Variants in TBXA2R observed in about 807,000 individuals in gnomAD.
The protein encoded by TBXA2R is thromboxane A2 receptor, also known as prostanoid TP receptor.
In TBXA2R, 15 loss-of-function variants were observed where a neutral mutation model predicts 15.6. The ratio of observed to expected loss-of-function variants is 0.96; its 90% CI spans 0.64 to 1.48. The LOEUF is 1.48. TBXA2R is among the 40% of genes most tolerant of loss of function. The probability of loss-of-function intolerance (pLI) is 0.00; values close to 1 mark genes in which losing one functional copy is unlikely to be tolerated. For synonymous variants in TBXA2R, 280 were observed against 241.2 expected, an observed-to-expected ratio of 1.16 and a Z score of -1.49; for missense variants, 506 against 491.4, an observed-to-expected ratio of 1.03 and a Z score of -0.28.
Position 3,595,895 on chromosome 19 carries a change from G to A in TBXA2R, c.825C>T (p.Ala275=). The A allele has an allele frequency of 6.2e-7, 1 of 1,605,682 alleles. No homozygotes were observed. The highest frequency in any genetic ancestry group is 1.7e-5 in the Admixed American group (1 of 58,860). Residue 275 remains alanine (A), a synonymous_variant, in exon 3 of 3, where the codon GCC becomes GCT. Transcript: ENST00000375190. ...IAQTVLRNPP[A]MSPAGQLSRT... ...GGGACAGCTGCCCGGCGGGGCTCAT[G>A]GCAGGCGGGTTTCGCAGCACTGTCT...
At position 3,600,419 on chromosome 19, in the gene TBXA2R, G is replaced by C; in HGVS notation, c.216C>G (p.Leu72=). The change falls in exon 2 of 3, where the codon CTC becomes CTG. Residue 72 remains leucine (L), a synonymous_variant. Transcript: ENST00000375190. ...SFLTFLCGLV[L]TDFLGLLVTG... is the part of the protein sequence containing the mutation. The stretch of plus-strand genomic sequence containing the variant: ...TCACCAGCAGCCCCAGGAAGTCGGT[G>C]AGGACGAGGCCGCAGAGGAAGGTGA... 1 of 1,613,386 alleles carries C rather than the reference G, an allele frequency of 6.2e-7. No individual in the cohort carries two copies. Among genetic ancestry groups the C allele is most frequent in the East Asian group, 2.2e-5 (1 of 44,872 alleles).
intron 1 of TBXA2R, among the ~76,000 whole-genome samples, chr19:3,605,943 A>G (rs1809252020): frequency 6.6e-6 from 1 of 151,974 alleles, no homozygotes; most frequent in Non-Finnish European, 1.5e-5. Flanking sequence ...ACAGGCAGAA[A>G]TGTGACAGAC....
Position 3,599,924 on chromosome 19 carries a change from C to T in TBXA2R, c.711G>A (p.Arg237=). The change falls in exon 2 of 3, where the codon CGG becomes CGA. Residue 237 remains arginine (R), a synonymous_variant. Coordinates refer to ENST00000375190, the MANE Select transcript of TBXA2R (RefSeq NM_001060.6). ...GAGCCATCATCTCCACCTCGGAGTCCCGGGGACGCTGCTGGGCCGCCTCCT... is the reference window on the plus strand; with the variant it reads ...GAGCCATCATCTCCACCTCGGAGTCTCGGGGACGCTGCTGGGCCGCCTCCT... ...HGQEAAQQRP[R]DSEVEMMAQL... 2 of 1,550,894 alleles carry T rather than the reference C, an allele frequency of 1.3e-6. No individual in the cohort carries two copies. The highest frequency in any genetic ancestry group is 1.7e-6 in the Non-Finnish European group (2 of 1,147,832).
At chr19:3,597,672 C>G (rs1434421317) in intron 2 of TBXA2R, among the ~76,000 whole-genome samples, 1 of 151,922 alleles carries the variant, frequency 6.6e-6, no homozygotes, top group Non-Finnish European at 1.5e-5. Flanking sequence ...GTGGCTCACA[C>G]CTATACTCCC....
Position 3,595,782 on chromosome 19 carries a change from C to G in TBXA2R, c.938G>C (p.Arg313Pro), listed in dbSNP as rs1390964033. ...AGGCTGGAGACGCCGGAGCACGGCG[C>G]GGCGGAACAGGATATACACCCAGGG... Reference protein sequence around the residue: ...LDPWVYILFRRAVLRRLQPRL... With the variant: ...LDPWVYILFRPAVLRRLQPRL... Residue 313 changes from arginine to proline, a missense_variant, in exon 3 of 3, where the codon CGC becomes CCC. Transcript: ENST00000375190. 6.2e-7 allele frequency: 1 copy of G among 1,610,150 alleles called. No individual in the cohort carries two copies. Among genetic ancestry groups the G allele is most frequent in the South Asian group, 1.1e-5 (1 of 90,352 alleles).
Position 3,595,501 on chromosome 19 carries a change from C to T in TBXA2R, c.*187G>A. On this transcript the variant is annotated 3_prime_UTR_variant, in exon 3 of 3. Transcript: ENST00000375190. ...AAAAGGGGCCGAGGAAGGGAGAGTG[C>T]TTGGTAAAAGGATCAGGGAGGAGTT... 4 of 1,428,734 alleles carry T rather than the reference C, an allele frequency of 2.8e-6. No homozygotes were observed. The highest frequency in any genetic ancestry group is 2.5e-5 in the East Asian group (1 of 39,792). The allele number at this position is 1,428,734 out of a possible 1,614,324, so 88.5% of individuals were successfully genotyped here. A position where few individuals can be genotyped will look rare whatever the true frequency, so the allele number is the denominator to read the frequency against.
chr19:3,606,102 C>A (rs909987857), intron 1 of TBXA2R, among the ~76,000 whole-genome samples: 1 of 152,092 alleles, frequency 6.6e-6, no homozygotes, highest in African/African-American at 2.4e-5. Flanking sequence ...ACAAAACCAC[C>A]ACACACGCAC....
intron 2 of TBXA2R, 40 bp downstream of exon 2, chr19:3,599,809 A>G (rs1339417838): frequency 1.3e-6 from 2 of 1,548,458 alleles, no homozygotes; most frequent in Admixed American, 2.0e-5. Context: ...CCAGAGGTCC[A>G]GTCAGGAGGG....
At chr19:3,606,356 T>C (rs1017018543) in intron 1 of TBXA2R, among the ~76,000 whole-genome samples, 174 bp downstream of exon 1, 3 of 152,142 alleles carry the variant, frequency 2.0e-5, no homozygotes, top group African/African-American at 7.2e-5. Flanking sequence ...AGGGCAGGCC[T>C]CAGGGCACCA....
Position 3,600,341 on chromosome 19 carries a change from C to T in TBXA2R, c.294G>A (p.Val98=). The change falls in exon 2 of 3, where the codon GTG becomes GTA. Residue 98 remains valine, a synonymous_variant. Transcript: ENST00000375190. ...AGCGACAGAGACGGCAGCCAGGGTC[C>T]ACGGCGTGCCACTCGAAGAGCGCGG... ...QHAALFEWHA[V]DPGCRLCRFM... The T allele has an allele frequency of 6.2e-7, 1 of 1,613,252 alleles. No homozygotes were observed. The highest frequency in any genetic ancestry group is 8.5e-7 in the Non-Finnish European group (1 of 1,179,846).
At chr19:3,601,730 C>T (rs982914134) in intron 1 of TBXA2R, among the ~76,000 whole-genome samples, 1 of 151,362 alleles carries the variant, frequency 6.6e-6, no homozygotes, top group Non-Finnish European at 1.5e-5. Context: ...AGTTCGAAAC[C>T]AGCCTAGCCA....
chr19:3,595,999 G>T, intron 2 of TBXA2R, 66 bp from the exon 3 acceptor site: 1 of 1,541,210 alleles, frequency 6.5e-7, no homozygotes. Flanking sequence ...GTCCCTGCCC[G>T]GGGTCCCTTG....
At position 3,594,714 on chromosome 19, in the gene TBXA2R, G is replaced by A. The variant is rs202037386; in HGVS notation, c.*974C>T. 2.5e-5 allele frequency: 20 copies of A among 813,220 alleles called. No individual in the cohort carries two copies. The highest frequency in any genetic ancestry group is 8.5e-5 in the East Asian group (3 of 35,296). 50.4% of individuals were successfully genotyped at this position (813,220 alleles called of 1,614,324 possible). A position where few individuals can be genotyped will look rare whatever the true frequency, so the allele number is the denominator to read the frequency against. ...CCCCATCCTTCCCAGCCCTGCCCTC[G>A]TCTGCTCCGGGTGAGGCCCAATGCA... On this transcript the variant is annotated 3_prime_UTR_variant, in exon 3 of 3. Coordinates refer to ENST00000375190, the MANE Select transcript of TBXA2R (RefSeq NM_001060.6).
chr19:3,600,835 T>C, intron 1 of TBXA2R, 118 bp from the exon 2 acceptor site: 1 of 615,238 alleles, frequency 1.6e-6, no homozygotes, highest in East Asian at 2.8e-5. Flanking sequence ...GGTTTTTTTT[T>C]TTTTTTTTTT....
chr19:3,600,272 C>G lies in TBXA2R; in HGVS notation c.363G>C (p.Leu121=). The change falls in exon 2 of 3, where the codon CTG becomes CTC. Residue 121 remains leucine (L), a synonymous_variant. Coordinates refer to ENST00000375190, the MANE Select transcript of TBXA2R (RefSeq NM_001060.6). ...VMIFFGLSPL[L]LGAAMASERY... ...GCTCTGAGGCCATGGCGGCCCCCAG[C>G]AGCAGCGGGGACAGGCCGAAGAAGA... 7 of 1,612,476 alleles carry G rather than the reference C, an allele frequency of 4.3e-6. No homozygotes were observed. The highest frequency in any genetic ancestry group is 5.9e-6 in the Non-Finnish European group (7 of 1,179,664).
chr19:3,600,150 G>A lies in TBXA2R; in HGVS notation c.485C>T (p.Ala162Val), dbSNP rs1426240857. 3 of 1,604,364 alleles carry A rather than the reference G, an allele frequency of 1.9e-6. No homozygotes were observed. The highest frequency in any genetic ancestry group is 1.7e-6 in the Non-Finnish European group (2 of 1,176,446). Residue 162 changes from alanine to valine, a missense_variant, in exon 2 of 3, where the codon GCG (alanine) becomes GTG (valine). Ala to Val is a moderately conservative substitution (Grantham distance 64). Transcript: ENST00000375190. Reference sequence around the variant, plus strand: ...GCCCAGCAGGGGCAGCAGGCCCAGCGCCAGCGCGGCCGCCCACACCAGCCC... The same window carrying A: ...GCCCAGCAGGGGCAGCAGGCCCAGCACCAGCGCGGCCGCCCACACCAGCCC... ...TVGLVWAAAL[A>V]LGLLPLLGVG...
At chr19:3,606,060 C>T (rs2032828425) in intron 1 of TBXA2R, among the ~76,000 whole-genome samples, 1 of 152,118 alleles carries the variant, frequency 6.6e-6, no homozygotes, top group African/African-American at 2.4e-5. Flanking sequence ...CAGTCACAGA[C>T]TCTCGGCAGA....
rs2032682225 is a variant in TBXA2R, at chr19:3,599,840, CCTA to C, written c.786+6_786+8del. The C allele has an allele frequency of 6.5e-7, 1 of 1,548,808 alleles. No homozygotes were observed. The highest frequency in any genetic ancestry group is 8.7e-7 in the Non-Finnish European group (1 of 1,146,938). On this transcript the variant is annotated splice_donor_region_variant and intron_variant, in intron 2 of 2. Coordinates refer to ENST00000375190, the MANE Select transcript of TBXA2R (RefSeq NM_001060.6). ...GAGGGTAGCAGGACCCCGCAGAGCC[CCTA>C]CTCACCAGAAGGGGCAGCCAACACA...
At chr19:3,596,122 G>A (rs1320171888) in intron 2 of TBXA2R, among the ~76,000 whole-genome samples, 189 bp from the exon 3 acceptor site, 1 of 152,160 alleles carries the variant, frequency 6.6e-6, no homozygotes, top group Non-Finnish European at 1.5e-5. Flanking sequence ...TCTGCCTCCC[G>A]GGTTCAAGCA....
Sources: gnomAD v4.1 joint callset for allele counts (sites outside exome capture counted in the v4.1 genomes callset) on GRCh38, gnomAD v4.1.1 for gene constraint, MANE v1.5 for transcripts, NCBI Gene and HGNC (gene_info 2026-07-23, HGNC 2026-07-21) for gene names.